NRG1: variants seen among roughly 807,000 people sequenced by gnomAD.
NRG1 encodes the protein neuregulin 1, also known as pro-neuregulin-1, membrane-bound isoform.
A neutral mutation model predicts 63.8 loss-of-function variants in NRG1; 18 were observed. That is an observed-to-expected ratio of 0.28 (90% CI 0.19 to 0.42). NRG1 has a LOEUF of 0.42. NRG1 is among the 10% of genes least tolerant of loss of function. The pLI is 1.00. For missense variants in NRG1, 762 were observed against 814.7 expected (o/e 0.94, Z 0.79); for synonymous variants, 302 against 301.3 (o/e 1.00, Z -0.02).
At position 31,919,388 on chromosome 8, in the gene NRG1, C is replaced by CTT. The variant is rs145595992; in HGVS notation, c.37+279968_37+279969dup. On this transcript the variant is annotated intron_variant, in intron 1 of 10. Coordinates refer to the NRG1 transcript ENST00000519301. The stretch of plus-strand genomic sequence containing the variant: ...AAAAAAGCAAGAAGGGGTTGTCATT[C>CTT]TTTTTTTTTTTTCATTTGTTCTTCA... Among the ~76,000 whole-genome samples the CTT allele has an allele frequency of 1.0e-3, 149 of 142,332 alleles. 1 individual carries two copies. Among genetic ancestry groups the CTT allele is most frequent in the East Asian group, 8.0e-3 (40 of 4,998 alleles). 93.4% of individuals were successfully genotyped at this position (142,332 alleles called of 152,430 possible).
chr8:32,301,722 A>G (rs1311648682), intron 1 of NRG1, among the ~76,000 whole-genome samples: 1 of 152,190 alleles, frequency 6.6e-6, no homozygotes, highest in African/African-American at 2.4e-5. Context: ...TTTGAAAACC[A>G]TCAGATCTCG....
chr8:32,255,444 C>T (rs977251492), intron 1 of NRG1, among the ~76,000 whole-genome samples: 3 of 152,320 alleles, frequency 2.0e-5, no homozygotes, highest in Non-Finnish European at 4.4e-5. Context: ...TTCTCCTTCA[C>T]TTATGAAGCT....
downstream of NRG1, among the ~76,000 whole-genome samples, chr8:32,772,051 A>G (rs1304982934): frequency 2.5e-3 from 5 of 1,968 alleles, no homozygotes; most frequent in African/African-American, 6.3e-3. Context: ...GTATATATAT[A>G]TATATATATA....
intron 1 of NRG1, among the ~76,000 whole-genome samples, chr8:32,241,478 C>A (rs1317366408): frequency 6.6e-6 from 1 of 152,150 alleles, no homozygotes; most frequent in Non-Finnish European, 1.5e-5. Flanking sequence ...ATATCCATCA[C>A]ATTTGTAGAA....
rs554610955 is a variant in NRG1, at chr8:31,753,632, T to C, written c.37+114201T>C. ...ATTCACCTGGACAGACACTGCTGTT[T>C]TAATTATCTATAGAGTCAAATCTAT... On this transcript the variant is annotated intron_variant, in intron 1 of 10. Transcript: ENST00000519301. Among the ~76,000 whole-genome samples, 5 of 152,190 alleles carry C rather than the reference T, an allele frequency of 3.3e-5. No individual in the cohort carries two copies. The South Asian group carries it at 1.0e-3, about 32-fold the overall frequency.
intron 1 of NRG1, among the ~76,000 whole-genome samples, chr8:32,346,048 A>G (rs1268260232): frequency 6.8e-6 from 1 of 147,842 alleles, no homozygotes; most frequent in African/African-American, 2.5e-5. Flanking sequence ...TATAAATTAT[A>G]TATTAATTCT....
chr8:31,958,617 C>T (rs1804876258), intron 1 of NRG1, among the ~76,000 whole-genome samples: 1 of 152,144 alleles, frequency 6.6e-6, no homozygotes, highest in Non-Finnish European at 1.5e-5. Context: ...CAGGAAGCTT[C>T]CTAAGGTGAC....
intron 1 of NRG1, among the ~76,000 whole-genome samples, chr8:32,389,257 G>A (rs12676409): frequency 0.13 from 19,509 of 152,094 alleles, 1,672 homozygotes; most frequent in Admixed American, 0.25. Context: ...GTAATGCTTG[G>A]CATGTTTTGC....
chr8:32,500,343 A>C (rs890043429), intron 1 of NRG1, among the ~76,000 whole-genome samples: 1 of 152,192 alleles, frequency 6.6e-6, no homozygotes, highest in Non-Finnish European at 1.5e-5. Context: ...AGGACTCTAA[A>C]ACATTCTGAG....
At chr8:32,771,715 A>AAAATATATAT (rs1343943621), downstream of NRG1, among the ~76,000 whole-genome samples, 20 of 111,846 alleles carry the variant, frequency 1.8e-4, no homozygotes, top group African/African-American at 5.9e-4. Flanking sequence ...TTAAAAAAAA[A>AAAATATATAT]ATATATATAT....
At chr8:32,198,375 G>A (rs750069582) in intron 1 of NRG1, among the ~76,000 whole-genome samples, 8 of 152,006 alleles carry the variant, frequency 5.3e-5, no homozygotes, top group Admixed American at 3.3e-4. Context: ...ACAGGGTTTC[G>A]CCATGTTGGT....
intron 1 of NRG1, among the ~76,000 whole-genome samples, chr8:31,653,604 C>T (rs1313532214): frequency 1.3e-5 from 2 of 152,210 alleles, no homozygotes; most frequent in Non-Finnish European, 2.9e-5. Context: ...TTTGCTGCCT[C>T]ATTGCAGTGG....
At chr8:32,098,736 A>G (rs1830189577) in intron 1 of NRG1, 2 of 152,194 alleles carry the variant, frequency 1.3e-5, no homozygotes, top group Admixed American at 1.3e-4. Flanking sequence ...TAACTGAGGA[A>G]GAAGGGCACC....
Position 32,754,363 on chromosome 8 carries a change from C to T in NRG1, c.692-9C>T, listed in dbSNP as rs761540791. 2.0e-5 allele frequency: 33 copies of T among 1,612,936 alleles called. No individual in the cohort carries two copies. The South Asian group carries it at 3.4e-4, about 17-fold the overall frequency. On this transcript the variant is annotated splice_polypyrimidine_tract_variant and intron_variant, in intron 7 of 11. Transcript: ENST00000356819. ...ACCTGTGATGACATCTGCTCTCATC[C>T]CTTTCCAGAGGCGGAGGAGCTGTAC...
Position 31,937,753 on chromosome 8 carries a change from C to T in NRG1, c.37+298322C>T, listed in dbSNP as rs973188789. 2.0e-4 allele frequency among the ~76,000 whole-genome samples: 31 copies of T among 152,108 alleles called. 1 individual carries two copies. The highest frequency in any genetic ancestry group is 6.5e-4 in the African/African-American group (27 of 41,420). On this transcript the variant is annotated intron_variant, in intron 1 of 10. Coordinates refer to the NRG1 transcript ENST00000519301. ...AGGCCTGTGATTGCTGGCTTTCCCC[C>T]ACTTCTCTGGTATCCTGTATGACTC... is the stretch of plus-strand genomic sequence containing the variant.
At chr8:32,525,185 C>T (rs1830701392) in intron 1 of NRG1, among the ~76,000 whole-genome samples, 1 of 152,154 alleles carries the variant, frequency 6.6e-6, no homozygotes, top group Admixed American at 6.5e-5. Context: ...TACAAGCCCC[C>T]ATTTGAGCCA....
At chr8:31,695,149 AAGG>A (rs532713106) in intron 1 of NRG1, among the ~76,000 whole-genome samples, 78 of 152,140 alleles carry the variant, frequency 5.1e-4, no homozygotes, top group Admixed American at 1.8e-3. Flanking sequence ...AAGAGAGTAA[AAGG>A]AGAAGTGCTA....
intron 1 of NRG1, among the ~76,000 whole-genome samples, chr8:32,521,579 G>T (rs1022049469): frequency 3.2e-4 from 48 of 152,146 alleles, no homozygotes; most frequent in African/African-American, 1.1e-3. Flanking sequence ...GACAGAGAAG[G>T]TATATTAATA....
chr8:32,062,651 GTCCCT>G, intron 1 of NRG1, among the ~76,000 whole-genome samples: 1 of 151,934 alleles, frequency 6.6e-6, no homozygotes, highest in East Asian at 1.9e-4. Flanking sequence ...TTTTATGGTA[GTCCCT>G]TTCTTTTCTC....
Sources: allele counts gnomAD v4.1 joint callset (sites outside exome capture counted in the v4.1 genomes callset), GRCh38; gene constraint gnomAD v4.1.1; transcripts MANE v1.5; gene names NCBI Gene and HGNC (gene_info 2026-07-23, HGNC 2026-07-21).